NCK1: variants seen among roughly 807,000 people sequenced by gnomAD.
The protein encoded by NCK1 is NCK adaptor protein 1.
A neutral mutation model predicts 36.6 loss-of-function variants in NCK1; 19 were observed. The observed-to-expected ratio is 0.52, with a 90% confidence interval of 0.36 to 0.76. The LOEUF (loss-of-function observed/expected upper bound fraction) is 0.76, where lower values mean the gene tolerates loss of function less well. Among genes scored for constraint, NCK1 ranks in the 30% least tolerant of loss-of-function variants. The probability of loss-of-function intolerance (pLI) is 0.00; values close to 1 mark genes in which losing one functional copy is unlikely to be tolerated. For missense variants in NCK1, 358 were observed against 445.6 expected, an observed-to-expected ratio of 0.80 and a Z score of 1.77; for synonymous variants, 165 against 156.0, an observed-to-expected ratio of 1.06 and a Z score of -0.43.
chr3:136,898,175 C>T (rs1576961551), intron 1 of NCK1, among the ~76,000 whole-genome samples: 1 of 152,060 alleles, frequency 6.6e-6, no homozygotes, highest in East Asian at 1.9e-4. Context: ...GCAGGCAGAT[C>T]ACTTGAGGTC....
chr3:136,873,902 C>CT (rs1166265925), intron 1 of NCK1, among the ~76,000 whole-genome samples: 5 of 152,194 alleles, frequency 3.3e-5, no homozygotes, highest in Non-Finnish European at 7.3e-5. Flanking sequence ...AAACCTCTTT[C>CT]TTTTGTAAAT....
intron 1 of NCK1, among the ~76,000 whole-genome samples, chr3:136,918,652 G>A (rs1187503084): frequency 2.0e-5 from 3 of 152,112 alleles, no homozygotes; most frequent in African/African-American, 4.8e-5. Context: ...ATTCACAAAC[G>A]TTCTTAAAAC....
intron 1 of NCK1, among the ~76,000 whole-genome samples, chr3:136,918,579 A>T (rs1245366138): frequency 1.3e-5 from 2 of 152,184 alleles, no homozygotes; most frequent in East Asian, 3.8e-4. Flanking sequence ...GATTAACCTT[A>T]TCCAACCTGT....
intron 1 of NCK1, among the ~76,000 whole-genome samples, chr3:136,877,780 C>A (rs1391892136): frequency 6.6e-6 from 1 of 152,084 alleles, no homozygotes; most frequent in Admixed American, 6.6e-5. Context: ...GTAGAAAATA[C>A]TTCTTAGGCT....
intron 1 of NCK1, among the ~76,000 whole-genome samples, chr3:136,874,399 C>T (rs1938708904): frequency 1.3e-5 from 2 of 152,184 alleles, no homozygotes; most frequent in Admixed American, 6.5e-5. Context: ...AGGCTGGTCT[C>T]GAAGTCCTGA....
intron 1 of NCK1, among the ~76,000 whole-genome samples, chr3:136,864,497 A>ACACAC (rs57808674): frequency 6.7e-6 from 1 of 148,754 alleles, no homozygotes; most frequent in Non-Finnish European, 1.5e-5. Flanking sequence ...CACACACACA[A>ACACAC]AAAAAAAACA....
chr3:136,938,344 T>G (rs1940588210), intron 2 of NCK1, among the ~76,000 whole-genome samples: 1 of 152,216 alleles, frequency 6.6e-6, no homozygotes, highest in Non-Finnish European at 1.5e-5. Context: ...TGAATTCACT[T>G]ATTGGCTAAA....
intron 1 of NCK1, among the ~76,000 whole-genome samples, chr3:136,880,165 G>A (rs1938889691): frequency 6.6e-6 from 1 of 151,740 alleles, no homozygotes; most frequent in African/African-American, 2.4e-5. Flanking sequence ...GGCGCCTGTA[G>A]TCCCAGCTAG....
intron 1 of NCK1, among the ~76,000 whole-genome samples, chr3:136,880,900 A>G (rs1421127918): frequency 6.6e-6 from 1 of 152,022 alleles, no homozygotes; most frequent in Non-Finnish European, 1.5e-5. Flanking sequence ...TTAGGCTACC[A>G]CACCCAGCCA....
Position 136,878,463 on chromosome 3 carries a change from A to G in NCK1, c.-19+16110A>G, listed in dbSNP as rs562455122. Among the ~76,000 whole-genome samples, 6 of 152,156 alleles carry G rather than the reference A, an allele frequency of 3.9e-5. No homozygotes were observed. The East Asian group carries it at 1.2e-3, about 29-fold the overall frequency. ...ACTAAAGACCACATTGTATGATTCC[A>G]TTTGTATGAAGTATCCAGAAATTGT... On this transcript the variant is annotated intron_variant, in intron 1 of 3. Transcript: ENST00000481752.
intron 1 of NCK1, among the ~76,000 whole-genome samples, chr3:136,917,752 C>G (rs534853456): frequency 6.6e-6 from 1 of 152,114 alleles, no homozygotes. Context: ...ACAGCACTTA[C>G]GAGTTAGAGG....
chr3:136,924,279 T>G (rs1283630822), intron 1 of NCK1, among the ~76,000 whole-genome samples: 4 of 152,080 alleles, frequency 2.6e-5, no homozygotes, highest in Non-Finnish European at 5.9e-5. Context: ...CTAGAAAAAG[T>G]AAAGCCTCTA....
chr3:136,904,683 T>G (rs1175528209), intron 1 of NCK1, among the ~76,000 whole-genome samples: 3 of 152,220 alleles, frequency 2.0e-5, no homozygotes, highest in African/African-American at 7.2e-5. Flanking sequence ...GTGTATCTGA[T>G]GTGTAAATCT....
At chr3:136,914,165 T>C (rs545326948) in intron 1 of NCK1, among the ~76,000 whole-genome samples, 23 of 152,316 alleles carry the variant, frequency 1.5e-4, no homozygotes, top group African/African-American at 5.5e-4. Context: ...TGCCTGCTTC[T>C]GTGTCTGTAT....
chr3:136,862,712 AG>A (rs1938270783), intron 1 of NCK1, among the ~76,000 whole-genome samples: 1 of 152,204 alleles, frequency 6.6e-6, no homozygotes, highest in African/African-American at 2.4e-5. Flanking sequence ...CTCATGAAAA[AG>A]TCCTTTTGCC....
chr3:136,911,779 CCTTAA>C (rs1316924215), intron 1 of NCK1, among the ~76,000 whole-genome samples: 1 of 151,962 alleles, frequency 6.6e-6, no homozygotes, highest in Non-Finnish European at 1.5e-5. Flanking sequence ...TAATGAATTT[CCTTAA>C]CTTTTGTTTA....
intron 2 of NCK1, among the ~76,000 whole-genome samples, chr3:136,929,250 C>G (rs1024612081): frequency 4.6e-5 from 7 of 152,004 alleles, no homozygotes; most frequent in African/African-American, 1.7e-4. Context: ...TATTCTTATT[C>G]AACATTATTG....
chr3:136,902,198 T>TTTGG (rs57065412), intron 1 of NCK1, among the ~76,000 whole-genome samples: 3 of 131,502 alleles, frequency 2.3e-5, no homozygotes, highest in Non-Finnish European at 3.2e-5. Flanking sequence ...TTTTTTTTTT[T>TTTGG]TTTTGTTTTT....
intron 2 of NCK1, among the ~76,000 whole-genome samples, chr3:136,935,116 G>T (rs1293760827): frequency 1.3e-5 from 2 of 152,158 alleles, no homozygotes; most frequent in Non-Finnish European, 2.9e-5. Flanking sequence ...GGCCAGGCTG[G>T]TCTTGAACTC....
Sources: gnomAD v4.1 joint callset for allele counts (sites outside exome capture counted in the v4.1 genomes callset) on GRCh38, gnomAD v4.1.1 for gene constraint, MANE v1.5 for transcripts, NCBI Gene and HGNC (gene_info 2026-07-23, HGNC 2026-07-21) for gene names.